DGKB: variants seen among roughly 807,000 people sequenced by gnomAD.
DGKB encodes the protein 90 kDa diacylglycerol kinase.
A neutral mutation model predicts 114.3 loss-of-function variants in DGKB; 67 were observed. That is an observed-to-expected ratio of 0.59 (90% CI 0.48 to 0.72). The LOEUF is 0.72. DGKB is among the 30% of genes least tolerant of loss of function. The pLI is 0.00. For missense variants in DGKB, 907 were observed against 975.2 expected (o/e 0.93, Z 0.93); for synonymous variants, 398 against 323.1 (o/e 1.23, Z -2.49).
At chr7:14,225,833 T>C (rs923333186) in intron 23 of DGKB, among the ~76,000 whole-genome samples, 2 of 152,002 alleles carry the variant, frequency 1.3e-5, no homozygotes, top group African/African-American at 2.4e-5. Flanking sequence ...AAATTTATGA[T>C]AATAAAATGT....
chr7:14,954,529 A>G (rs1458881528), intron 1 of DGKB, among the ~76,000 whole-genome samples: 1 of 152,040 alleles, frequency 6.6e-6, no homozygotes, highest in Non-Finnish European at 1.5e-5. Context: ...AATTGAAAAT[A>G]AACTCGAAAG....
At chr7:14,698,234 T>C in intron 7 of DGKB, 65 bp from the exon 8 acceptor site, 1 of 1,022,696 alleles carries the variant, frequency 9.8e-7, no homozygotes, top group Non-Finnish European at 1.4e-6. Context: ...ATCTTTCACT[T>C]GCAGAAATTG....
chr7:14,943,069 A>G (rs1382992931), intron 1 of DGKB, among the ~76,000 whole-genome samples: 1 of 151,928 alleles, frequency 6.6e-6, no homozygotes, highest in African/African-American at 2.4e-5. Flanking sequence ...TGTATGACTG[A>G]TTGACTTACT....
intron 2 of DGKB, among the ~76,000 whole-genome samples, chr7:14,793,423 T>A (rs541750467): frequency 1.3e-5 from 2 of 152,106 alleles, no homozygotes; most frequent in Admixed American, 1.3e-4. Context: ...ATTGCTCCTT[T>A]CTATTTCCTG....
Position 14,146,561 on chromosome 7 carries a change from T to C in DGKB, c.*2570A>G, listed in dbSNP as rs554743875. On this transcript the variant is annotated 3_prime_UTR_variant, in exon 26 of 26. Transcript: ENST00000402815. ...ACTATAGAATTTTCCTTAAACTATA[T>C]ATTTTTCATATGAAGCTGTCATAAA... 5.3e-5 allele frequency: 8 copies of C among 152,318 alleles called. No homozygotes were observed. The East Asian group carries it at 1.5e-3, about 29-fold the overall frequency. The allele number at this position is 152,318 out of a possible 1,614,324, so 9.4% of individuals were successfully genotyped here.
intron 1 of DGKB, among the ~76,000 whole-genome samples, chr7:14,928,439 T>C (rs572579051): frequency 8.7e-4 from 133 of 152,092 alleles, no homozygotes; most frequent in African/African-American, 3.1e-3. Context: ...TGATCACACA[T>C]ATTTTTATGT....
intron 21 of DGKB, among the ~76,000 whole-genome samples, chr7:14,467,653 A>G (rs1334860959): frequency 6.6e-6 from 1 of 152,170 alleles, no homozygotes; most frequent in African/African-American, 2.4e-5. Flanking sequence ...TCAAAGAGCA[A>G]TGTTTATGAG....
chr7:14,335,828 A>T (rs1464163650), intron 23 of DGKB, among the ~76,000 whole-genome samples: 1 of 152,034 alleles, frequency 6.6e-6, no homozygotes, highest in Non-Finnish European at 1.5e-5. Flanking sequence ...ATCATAGCTC[A>T]CTGTAGTCTT....
chr7:14,199,897 G>A (rs1428118071), intron 23 of DGKB, among the ~76,000 whole-genome samples: 3 of 151,966 alleles, frequency 2.0e-5, no homozygotes, highest in Non-Finnish European at 4.4e-5. Flanking sequence ...CAGAAATTAT[G>A]AAAACAAGGA....
intron 20 of DGKB, among the ~76,000 whole-genome samples, chr7:14,549,404 ATT>A (rs80210648): frequency 1.3e-5 from 2 of 151,920 alleles, no homozygotes. Flanking sequence ...AGGAATAAAT[ATT>A]TTTTTTTAAA....
intron 23 of DGKB, among the ~76,000 whole-genome samples, chr7:14,258,865 T>C (rs1796317935): frequency 1.3e-5 from 2 of 149,008 alleles, no homozygotes; most frequent in Admixed American, 6.6e-5. Flanking sequence ...CTCAAAAACA[T>C]GTAATTCTTC....
intron 21 of DGKB, among the ~76,000 whole-genome samples, chr7:14,429,262 C>T (rs1206675012): frequency 1.3e-5 from 2 of 151,946 alleles, no homozygotes; most frequent in African/African-American, 4.8e-5. Context: ...AGGATGGAGC[C>T]CTCATGATGG....
intron 17 of DGKB, 93 bp from the exon 18 acceptor site, chr7:14,583,230 G>A (rs549118168): frequency 8.8e-6 from 6 of 684,782 alleles, no homozygotes; most frequent in African/African-American, 3.7e-5. Context: ...GATGAAATAC[G>A]TTTTTATTTT....
intron 14 of DGKB, among the ~76,000 whole-genome samples, chr7:14,629,174 A>C (rs1370026571): frequency 2.0e-5 from 3 of 152,068 alleles, no homozygotes; most frequent in Admixed American, 6.5e-5. Flanking sequence ...ACCCAATGAA[A>C]TAATAAACTG....
chr7:14,745,995 T>C (rs1050841531), intron 4 of DGKB, among the ~76,000 whole-genome samples: 2 of 152,190 alleles, frequency 1.3e-5, no homozygotes, highest in Admixed American at 1.3e-4. Flanking sequence ...AGCAAAATAC[T>C]GTTTTATTTT....
intron 20 of DGKB, among the ~76,000 whole-genome samples, chr7:14,503,904 G>C (rs907134051): frequency 7.9e-5 from 12 of 152,214 alleles, no homozygotes; most frequent in Admixed American, 7.9e-4. Flanking sequence ...GGAGGGGACA[G>C]ATGGAAGCTA....
At chr7:14,892,852 CCA>C (rs1781467202) in intron 1 of DGKB, among the ~76,000 whole-genome samples, 3 of 78,574 alleles carry the variant, frequency 3.8e-5, no homozygotes, top group Admixed American at 1.7e-4. Flanking sequence ...TCAACTAATA[CCA>C]TATATATATA....
At chr7:14,478,298 T>TA (rs1170603446) in intron 20 of DGKB, 73 bp from the exon 21 acceptor site, 1 of 871,706 alleles carries the variant, frequency 1.1e-6, no homozygotes, top group South Asian at 2.3e-5. Flanking sequence ...GTAGACTAAA[T>TA]AAAAAAATAA....
chr7:14,518,403 C>G (rs1037250550), intron 20 of DGKB, among the ~76,000 whole-genome samples: 1 of 151,780 alleles, frequency 6.6e-6, no homozygotes. Context: ...GTATATCAAA[C>G]CCCCATGACA....
Sources: gnomAD v4.1 joint callset for allele counts (sites outside exome capture counted in the v4.1 genomes callset) on GRCh38, gnomAD v4.1.1 for gene constraint, MANE v1.5 for transcripts, NCBI Gene and HGNC (gene_info 2026-07-23, HGNC 2026-07-21) for gene names.